Variants in UGGT2 observed in about 807,000 individuals in gnomAD.
UGGT2 encodes the protein UDP-glucose:glycoprotein glucosyltransferase 2.
Under a neutral mutation model 192.1 loss-of-function variants are expected in UGGT2, and 180 were observed. The observed-to-expected ratio is 0.94, with a 90% CI of 0.83 to 1.06. UGGT2 has a LOEUF of 1.06. Ranked by LOEUF, UGGT2 falls within the 50% of genes least tolerant of loss-of-function variation. UGGT2 has a pLI of 0.00. For synonymous variants in UGGT2, 580 were observed against 591.0 expected, an observed-to-expected ratio of 0.98 and a Z score of 0.27; for missense variants, 1,849 against 1,795.7, an observed-to-expected ratio of 1.03 and a Z score of -0.54.
In UGGT2 at chr13:95,884,591, G is replaced by C. The variant is rs1002536074; in HGVS notation, c.3128C>G (p.Pro1043Arg). ...GTTGAGGATTAGGAGGGGTGATTCA[G>C]GAATATCCAAAAATTTTGCCACTGG... Reference protein sequence around the residue: ...LGPVAKFLDIPESPLLILNMI... With the variant: ...LGPVAKFLDIRESPLLILNMI... The change falls in exon 27 of 39, where the codon CCT becomes CGT. Residue 1043 changes from proline (P) to arginine (R), a missense_variant. By Grantham distance (103) the Pro-to-Arg change is moderately radical (BLOSUM62 -2). Transcript: ENST00000376747. 1.2e-6 allele frequency: 2 copies of C among 1,613,830 alleles called. No homozygotes were observed. Among genetic ancestry groups the C allele is most frequent in the African/African-American group, 2.7e-5 (2 of 74,884 alleles).
At chr13:95,894,484 T>C (rs2047890392) in intron 24 of UGGT2, 78 bp downstream of exon 24, 1 of 1,185,782 alleles carries the variant, frequency 8.4e-7, no homozygotes, top group African/African-American at 1.5e-5. Flanking sequence ...CCTTAAATTT[T>C]ACCATGTTAT....
At chr13:96,032,121 C>T in intron 1 of UGGT2, 150 bp from the exon 2 acceptor site, 1 of 527,748 alleles carries the variant, frequency 1.9e-6, no homozygotes, top group South Asian at 3.1e-5. Context: ...TTTACTATAA[C>T]ACTGGAAAAA....
At chr13:95,891,451 C>A (rs2047798043) in intron 24 of UGGT2, among the ~76,000 whole-genome samples, 1 of 152,110 alleles carries the variant, frequency 6.6e-6, no homozygotes, top group South Asian at 2.1e-4. Flanking sequence ...TGATCCCAGT[C>A]TTCCTCTCCT....
intron 1 of UGGT2, among the ~76,000 whole-genome samples, chr13:96,045,924 C>T (rs941818207): frequency 6.6e-6 from 1 of 152,038 alleles, no homozygotes; most frequent in Admixed American, 6.6e-5. Flanking sequence ...AAGCAATCTA[C>T]AAATTCAATG....
chr13:95,923,341 G>A (rs1393726393), intron 20 of UGGT2, among the ~76,000 whole-genome samples: 1 of 150,780 alleles, frequency 6.6e-6, no homozygotes, highest in Non-Finnish European at 1.5e-5. Context: ...TTACAGGCAC[G>A]AGCCACCATG....
chr13:95,918,982 A>G (rs1384927602), intron 20 of UGGT2, among the ~76,000 whole-genome samples: 1 of 152,148 alleles, frequency 6.6e-6, no homozygotes, highest in Admixed American at 6.5e-5. Context: ...ATAAACTACT[A>G]GCAAACCAAA....
chr13:95,844,491 C>T (rs1430463534), intron 36 of UGGT2, among the ~76,000 whole-genome samples: 1 of 152,176 alleles, frequency 6.6e-6, no homozygotes, highest in Non-Finnish European at 1.5e-5. Flanking sequence ...TTTAATCTCT[C>T]AGCAGTTTTG....
At chr13:95,974,907 C>T (rs1031218522) in intron 10 of UGGT2, among the ~76,000 whole-genome samples, 1 of 151,890 alleles carries the variant, frequency 6.6e-6, no homozygotes, top group African/African-American at 2.4e-5. Flanking sequence ...CATGGTGAAA[C>T]CCTGTTTCTA....
chr13:95,843,670 GT>G (rs898601415), intron 36 of UGGT2, among the ~76,000 whole-genome samples: 8 of 150,232 alleles, frequency 5.3e-5, no homozygotes, highest in South Asian at 2.1e-4. Context: ...GGTTTTTGGG[GT>G]TTTTTTTTGG....
chr13:95,942,820 T>C (rs569451344), intron 15 of UGGT2, among the ~76,000 whole-genome samples: 1 of 152,298 alleles, frequency 6.6e-6, no homozygotes, highest in East Asian at 1.9e-4. Context: ...TTATCAGTAT[T>C]TTCCTGCAGA....
At chr13:95,933,332 T>C (rs940269699) in intron 17 of UGGT2, among the ~76,000 whole-genome samples, 1 of 152,206 alleles carries the variant, frequency 6.6e-6, no homozygotes, top group Non-Finnish European at 1.5e-5. Context: ...TTTATCCATA[T>C]CCTCTAGATT....
intron 29 of UGGT2, among the ~76,000 whole-genome samples, chr13:95,876,403 T>G (rs1193088139): frequency 1.3e-5 from 2 of 152,094 alleles, no homozygotes; most frequent in Non-Finnish European, 2.9e-5. Flanking sequence ...GGCCTGGTGG[T>G]GGGGTAGGCC....
intron 30 of UGGT2, among the ~76,000 whole-genome samples, chr13:95,864,882 A>T (rs1470598897): frequency 6.6e-6 from 1 of 152,198 alleles, no homozygotes; most frequent in Non-Finnish European, 1.5e-5. Flanking sequence ...ATTTTTCTAA[A>T]TCTTCACACT....
At chr13:95,908,664 T>C (rs879643901) in intron 20 of UGGT2, among the ~76,000 whole-genome samples, 1 of 148,610 alleles carries the variant, frequency 6.7e-6, no homozygotes, top group South Asian at 2.2e-4. Flanking sequence ...TGGTATCTCA[T>C]TGTGGTTTTG....
chr13:95,853,996 C>G (rs888329854), intron 35 of UGGT2, among the ~76,000 whole-genome samples: 1 of 152,036 alleles, frequency 6.6e-6, no homozygotes, highest in South Asian at 2.1e-4. Context: ...TAGTTAGGAG[C>G]CATATTACTT....
In UGGT2 at chr13:96,023,265, G is replaced by A. The variant is rs1004398065; in HGVS notation, c.373-113C>T. 2.5e-5 allele frequency: 21 copies of A among 824,252 alleles called. 1 individual carries two copies. Among genetic ancestry groups the A allele is most frequent in the South Asian group, 2.5e-4 (6 of 23,558 alleles). The allele number at this position is 824,252 out of a possible 1,614,324, so 51.1% of individuals were successfully genotyped here. ...ACTCATCAACTACTATTAAGTTATT[G>A]CTCTAATTAAAGTAAAAAAACATCT... On this transcript the variant is annotated intron_variant, in intron 3 of 38. Transcript: ENST00000376747.
At chr13:96,030,769 T>A (rs1413817638) in intron 2 of UGGT2, among the ~76,000 whole-genome samples, 1 of 152,126 alleles carries the variant, frequency 6.6e-6, no homozygotes, top group East Asian at 1.9e-4. Flanking sequence ...GATAGGAAAA[T>A]AATAAACACA....
At chr13:95,916,669 G>A (rs1349367435) in intron 20 of UGGT2, among the ~76,000 whole-genome samples, 1 of 152,092 alleles carries the variant, frequency 6.6e-6, no homozygotes, top group Non-Finnish European at 1.5e-5. Flanking sequence ...AACATTACAG[G>A]AGCTGTAAAC....
At chr13:95,835,666 A>G (rs1219182138) in intron 37 of UGGT2, among the ~76,000 whole-genome samples, 2 of 152,254 alleles carry the variant, frequency 1.3e-5, no homozygotes. Context: ...TTAATAGCTT[A>G]TTCGTCAGTG....
Sources: allele counts gnomAD v4.1 joint callset (sites outside exome capture counted in the v4.1 genomes callset), GRCh38; gene constraint gnomAD v4.1.1; transcripts MANE v1.5; gene names NCBI Gene and HGNC (gene_info 2026-07-23, HGNC 2026-07-21).